Variants in P4HB observed in about 807,000 individuals in gnomAD.
P4HB encodes the protein prolyl 4-hydroxylase subunit beta.
A neutral mutation model predicts 52.6 loss-of-function variants in P4HB; 20 were observed. The observed-to-expected ratio is 0.38, with a 90% CI of 0.27 to 0.55. The LOEUF (loss-of-function observed/expected upper bound fraction) is 0.55, where lower values mean the gene tolerates loss of function less well. Among genes scored for constraint, P4HB ranks in the 20% least tolerant of loss-of-function variants. The probability of loss-of-function intolerance (pLI) is 0.74; values close to 1 mark genes in which losing one functional copy is unlikely to be tolerated. For missense variants in P4HB, 601 were observed against 669.2 expected (o/e 0.90, Z 1.12); for synonymous variants, 296 against 277.9 (o/e 1.07, Z -0.65).
intron 2 of P4HB, among the ~76,000 whole-genome samples, chr17:81,857,543 G>C (rs2038930691): frequency 6.6e-6 from 1 of 152,212 alleles, no homozygotes; most frequent in East Asian, 1.9e-4. Flanking sequence ...TTTTAGAGAG[G>C]TGGACAGTAA....
chr17:81,843,592 C>A lies in P4HB; in HGVS notation c.*420G>T. ...CTCCCACACGGGGGACAAGCTTCTC[C>A]GAGGAGGCCTGGCCAAGGTGGAACA... On this transcript the variant is annotated 3_prime_UTR_variant, in exon 11 of 11. Coordinates refer to ENST00000331483, the MANE Select transcript of P4HB (RefSeq NM_000918.4). The A allele has an allele frequency of 4.5e-6, 2 of 444,614 alleles. No homozygotes were observed. Among genetic ancestry groups the A allele is most frequent in the Non-Finnish European group, 7.9e-6 (2 of 253,348 alleles). The allele number at this position is 444,614 out of a possible 1,614,324, so 27.5% of individuals were successfully genotyped here.
intron 4 of P4HB, 77 bp from the exon 5 acceptor site, chr17:81,847,424 G>T: frequency 7.8e-7 from 1 of 1,274,472 alleles, no homozygotes; most frequent in Non-Finnish European, 1.1e-6. Context: ...CCCTGGACGT[G>T]GGAAGTCACA....
chr17:81,858,913 G>C, intron 2 of P4HB: 1 of 463,158 alleles, frequency 2.2e-6, no homozygotes. Flanking sequence ...CCCTCTCCTC[G>C]CTGGTCAGTC....
At chr17:81,850,668 A>G (rs1420606969) in intron 4 of P4HB, among the ~76,000 whole-genome samples, 1 of 148,530 alleles carries the variant, frequency 6.7e-6, no homozygotes, top group Non-Finnish European at 1.5e-5. Flanking sequence ...TTTTTATTAG[A>G]GATGGGGTTT....
Position 81,846,021 on chromosome 17 carries a change from C to T in P4HB, c.1057-30G>A, listed in dbSNP as rs200027839. On this transcript the variant is annotated intron_variant, in intron 7 of 10. Coordinates refer to ENST00000331483, the MANE Select transcript of P4HB (RefSeq NM_000918.4). This position sits in a 1 kb window ranked among gnomAD's most constrained non-coding sequence, Gnocchi z 5.7. ...AGGGCAGGCAGGGCACGGTGAGGGGCGGCGATGCCTGGGGGACCACAGAGC... is the reference window on the plus strand; with the variant it reads ...AGGGCAGGCAGGGCACGGTGAGGGGTGGCGATGCCTGGGGGACCACAGAGC... The T allele has an allele frequency of 7.5e-5, 118 of 1,582,976 alleles. 2 individuals are homozygous for T. The South Asian group carries it at 1.0e-3, about 13-fold the overall frequency.
At position 81,855,796 on chromosome 17, in the gene P4HB, G is replaced by T; in HGVS notation, c.353-210C>A. The T allele has an allele frequency of 1.9e-6, 1 of 536,996 alleles. No individual in the cohort carries two copies. Among genetic ancestry groups the T allele is most frequent in the Non-Finnish European group, 3.3e-6 (1 of 306,394 alleles). The allele number at this position is 536,996 out of a possible 1,614,324, so 33.3% of individuals were successfully genotyped here. On this transcript the variant is annotated intron_variant, in intron 2 of 10. Transcript: ENST00000331483. This position sits in a 1 kb window ranked among gnomAD's most constrained non-coding sequence, Gnocchi z 4.3. Reference sequence around the variant, plus strand: ...GAGACTGTGGTTGTGTTTATGGGGAGTGGAGAGGGAAGAGGGTGATTCTGT... The same window carrying T: ...GAGACTGTGGTTGTGTTTATGGGGATTGGAGAGGGAAGAGGGTGATTCTGT...
In P4HB at chr17:81,843,965, T is replaced by TGCAGCCCCCGAGGGGTCTCG. The variant is rs770582948; in HGVS notation, c.*27_*46dup. 7.3e-7 allele frequency: 1 copy of TGCAGCCCCCGAGGGGTCTCG among 1,377,286 alleles called. No homozygotes were observed. The highest frequency in any genetic ancestry group is 1.0e-6 in the Non-Finnish European group (1 of 964,930). The allele number at this position is 1,377,286 out of a possible 1,614,324, so 85.3% of individuals were successfully genotyped here. A position where few individuals can be genotyped will look rare whatever the true frequency, so the allele number is the denominator to read the frequency against. On this transcript the variant is annotated 3_prime_UTR_variant, in exon 11 of 11. Coordinates refer to ENST00000331483, the MANE Select transcript of P4HB (RefSeq NM_000918.4). ...CGGAGGCGTGCGCTGCTGCTGGGTG[T>TGCAGCCCCCGAGGGGTCTCG]GCAGCCCCCGAGGGGTCTCGGCAGC...
intron 10 of P4HB, among the ~76,000 whole-genome samples, chr17:81,844,626 C>T (rs191413317): frequency 6.6e-6 from 1 of 152,340 alleles, no homozygotes; most frequent in East Asian, 1.9e-4. Flanking sequence ...GCCCTGCCAG[C>T]CTGGGCTGAC....
rs2038688509 is a variant in P4HB at position 81,843,778 on chromosome 17, G to A, written c.*234C>T. The A allele has an allele frequency of 1.7e-6, 1 of 595,056 alleles. No individual in the cohort carries two copies. The highest frequency in any genetic ancestry group is 1.9e-5 in the African/African-American group (1 of 53,926). The allele number at this position is 595,056 out of a possible 1,614,324, so 36.9% of individuals were successfully genotyped here. A position where few individuals can be genotyped will look rare whatever the true frequency, so the allele number is the denominator to read the frequency against. ...AGTACATCATGGTTTCAGGAAACAA[G>A]CCCCACCAGGGTGGGCTGCCTGGAG... On this transcript the variant is annotated 3_prime_UTR_variant, in exon 11 of 11. Transcript: ENST00000331483.
intron 2 of P4HB, among the ~76,000 whole-genome samples, chr17:81,857,846 TAGA>T (rs988741672): frequency 2.6e-5 from 4 of 152,160 alleles, no homozygotes; most frequent in African/African-American, 9.6e-5. Context: ...CATTCAGATG[TAGA>T]AGGATTCCAC....
intron 4 of P4HB, among the ~76,000 whole-genome samples, chr17:81,849,325 G>A (rs928981234): frequency 3.3e-5 from 5 of 150,424 alleles, no homozygotes; most frequent in South Asian, 4.2e-4. Context: ...GTAAAACGTC[G>A]TCTTTACTAG....
chr17:81,859,116 GCCCT>G, intron 2 of P4HB, 61 bp downstream of exon 2: 1 of 1,468,022 alleles, frequency 6.8e-7, no homozygotes, highest in South Asian at 1.1e-5. Flanking sequence ...AGCTGCCCCT[GCCCT>G]TCCAAGTCGG....
intron 4 of P4HB, among the ~76,000 whole-genome samples, chr17:81,850,758 C>A (rs1314058212): frequency 6.6e-6 from 1 of 152,188 alleles, no homozygotes; most frequent in Non-Finnish European, 1.5e-5. Flanking sequence ...GCTGAGATTA[C>A]AGGCGTGAGC....
intron 4 of P4HB, among the ~76,000 whole-genome samples, chr17:81,854,401 G>T (rs1188314028): frequency 6.6e-6 from 1 of 152,102 alleles, no homozygotes; most frequent in Non-Finnish European, 1.5e-5. Flanking sequence ...ACTCAGCCCA[G>T]CGTGGTGGCA....
intron 4 of P4HB, among the ~76,000 whole-genome samples, chr17:81,850,538 C>T (rs1023375459): frequency 1.3e-5 from 2 of 152,122 alleles, no homozygotes; most frequent in African/African-American, 4.8e-5. Context: ...AGTGCAATGG[C>T]ACGATCTCGA....
intron 4 of P4HB, chr17:81,847,584 C>T: frequency 1.8e-6 from 1 of 567,058 alleles, no homozygotes; most frequent in Non-Finnish European, 3.2e-6. Flanking sequence ...ATCCACAATG[C>T]AAGCCTGGCG....
At chr17:81,859,119 C>G in intron 2 of P4HB, 62 bp downstream of exon 2, 1 of 1,507,468 alleles carries the variant, frequency 6.6e-7, no homozygotes. Flanking sequence ...TGCCCCTGCC[C>G]TTCCAAGTCG....
At chr17:81,852,234 A>G (rs1382098281) in intron 4 of P4HB, among the ~76,000 whole-genome samples, 1 of 152,178 alleles carries the variant, frequency 6.6e-6, no homozygotes, top group Non-Finnish European at 1.5e-5. Flanking sequence ...AAAAAGTGAA[A>G]TATCAGAAGC....
In P4HB at chr17:81,846,096, A is replaced by G. The variant is rs933440983; in HGVS notation, c.1057-105T>C. 5.2e-6 allele frequency: 7 copies of G among 1,352,440 alleles called. No homozygotes were observed. In the African/African-American group the frequency reaches 7.4e-5, roughly 14 times the overall value. The allele number at this position is 1,352,440 out of a possible 1,614,324, so 83.8% of individuals were successfully genotyped here. On this transcript the variant is annotated intron_variant, in intron 7 of 10. Transcript: ENST00000331483. This position sits in a 1 kb window ranked among gnomAD's most constrained non-coding sequence, Gnocchi z 5.7. ...ACTGAGGTGCGTGGCTGCCCTGGGC[A>G]CACCAGGGTGGCAGCCGCAGACACC...
Sources: allele counts gnomAD v4.1 joint callset (sites outside exome capture counted in the v4.1 genomes callset), GRCh38; gene constraint gnomAD v4.1.1; non-coding constraint Gnocchi (gnomAD v3.1); transcripts MANE v1.5; gene names NCBI Gene and HGNC (gene_info 2026-07-23, HGNC 2026-07-21).